Variants in TYR observed in about 807,000 individuals in gnomAD.
TYR encodes the protein tyrosinase.
A neutral mutation model predicts 51.5 loss-of-function variants in TYR; 58 were observed. The observed-to-expected ratio is 1.13, with a 90% CI of 0.91 to 1.40. The LOEUF is 1.40. Ranked by LOEUF, TYR falls within the 40% of genes most tolerant of loss-of-function variation. TYR has a pLI of 0.00. For synonymous variants in TYR, 263 were observed against 235.2 expected (o/e 1.12, Z -1.08); for missense variants, 732 against 647.4 (o/e 1.13, Z -1.42).
intron 2 of TYR, among the ~76,000 whole-genome samples, chr11:89,217,795 A>T (rs1221722918): frequency 6.6e-6 from 1 of 152,140 alleles, no homozygotes; most frequent in Non-Finnish European, 1.5e-5. Flanking sequence ...CTTTCTTACC[A>T]TTGCTTGCTG....
chr11:89,250,523 A>G (rs556242230), intron 3 of TYR, among the ~76,000 whole-genome samples: 1 of 152,032 alleles, frequency 6.6e-6, no homozygotes, highest in East Asian at 1.9e-4. Flanking sequence ...CCATAACAAA[A>G]TACCACAGAC....
At chr11:89,290,505 T>C (rs1235472725) in intron 4 of TYR, among the ~76,000 whole-genome samples, 1 of 152,084 alleles carries the variant, frequency 6.6e-6, no homozygotes, top group Non-Finnish European at 1.5e-5. Flanking sequence ...AAATGTACTA[T>C]GTATTGAAGC....
chr11:89,236,818 C>T (rs1213819848), intron 3 of TYR, among the ~76,000 whole-genome samples: 3 of 152,140 alleles, frequency 2.0e-5, no homozygotes, highest in Non-Finnish European at 4.4e-5. Flanking sequence ...CTTTTCTTGA[C>T]CTATCTAGTT....
intron 3 of TYR, among the ~76,000 whole-genome samples, chr11:89,259,922 G>A (rs1340528415): frequency 6.6e-6 from 1 of 151,960 alleles, no homozygotes; most frequent in Non-Finnish European, 1.5e-5. Context: ...GAGTTGATGG[G>A]CTTAAGAACC....
chr11:89,209,623 C>T lies in TYR; in HGVS notation c.1037-18200C>T, dbSNP rs187759951. Among the ~76,000 whole-genome samples the T allele has an allele frequency of 2.4e-4, 37 of 152,274 alleles. 1 individual carries two copies. The highest frequency in any genetic ancestry group is 4.0e-4 in the Non-Finnish European group (27 of 68,014). On this transcript the variant is annotated intron_variant, in intron 2 of 4. Transcript: ENST00000263321. ...GAGAGCAGTGGCTCTTGGAGCACAG[C>T]GTTCGAGCTCCGATAATGGACAGAC... is the stretch of plus-strand genomic sequence containing the variant.
At chr11:89,291,539 A>G (rs1017040040) in intron 4 of TYR, among the ~76,000 whole-genome samples, 1 of 151,848 alleles carries the variant, frequency 6.6e-6, no homozygotes, top group Non-Finnish European at 1.5e-5. Context: ...CTGTAATCTT[A>G]TTGTTAGATT....
chr11:89,198,580 A>C (rs1375615315), intron 2 of TYR, among the ~76,000 whole-genome samples: 1 of 152,118 alleles, frequency 6.6e-6, no homozygotes, highest in Non-Finnish European at 1.5e-5. Context: ...CCAGACATTA[A>C]TACTCCTCAC....
chr11:89,293,660 ATT>A (rs1232024839), intron 4 of TYR: 1 of 155,930 alleles, frequency 6.4e-6, no homozygotes, highest in African/African-American at 2.4e-5. Flanking sequence ...ATCAAAACTG[ATT>A]TTCATTAGAA....
intron 3 of TYR, among the ~76,000 whole-genome samples, chr11:89,237,464 T>C (rs1272196618): frequency 6.6e-6 from 1 of 152,150 alleles, no homozygotes; most frequent in Non-Finnish European, 1.5e-5. Context: ...AGCCTATCCA[T>C]TGTGTATTTG....
At position 89,191,078 on chromosome 11, in the gene TYR, C is replaced by T. The variant is rs77544080; in HGVS notation, c.820-124C>T. On this transcript the variant is annotated intron_variant, in intron 1 of 4. Coordinates refer to ENST00000263321, the MANE Select transcript of TYR (RefSeq NM_000372.5). Reference sequence around the variant, plus strand: ...GAACATATCCCTGTCATTAAAGACACATGATTGTAGTAATCTCCTCAGGAG... The same window carrying T: ...GAACATATCCCTGTCATTAAAGACATATGATTGTAGTAATCTCCTCAGGAG... 2.5e-3 allele frequency: 2,091 copies of T among 830,606 alleles called. 22 individuals are homozygous for T. The African/African-American group carries it at 0.032, about 13-fold the overall frequency. The allele number at this position is 830,606 out of a possible 1,614,324, so 51.5% of individuals were successfully genotyped here. A position where few individuals can be genotyped will look rare whatever the true frequency, so the allele number is the denominator to read the frequency against.
chr11:89,201,573 A>T (rs962543425), intron 2 of TYR, among the ~76,000 whole-genome samples: 1 of 152,236 alleles, frequency 6.6e-6, no homozygotes, highest in Admixed American at 6.5e-5. Context: ...ATTCATTTTT[A>T]CTGCAAGTCT....
chr11:89,197,645 G>A (rs988804678), intron 2 of TYR, among the ~76,000 whole-genome samples: 2 of 152,064 alleles, frequency 1.3e-5, no homozygotes, highest in Non-Finnish European at 2.9e-5. Flanking sequence ...GTGAGCTATT[G>A]GGGGGAGTCA....
At chr11:89,292,444 G>C (rs1300181479) in intron 4 of TYR, among the ~76,000 whole-genome samples, 2 of 152,038 alleles carry the variant, frequency 1.3e-5, no homozygotes, top group Non-Finnish European at 2.9e-5. Flanking sequence ...TAACATATTG[G>C]ATGCTGTCTC....
chr11:89,276,253 G>A (rs1944652872), intron 3 of TYR, among the ~76,000 whole-genome samples: 1 of 151,792 alleles, frequency 6.6e-6, no homozygotes, highest in Non-Finnish European at 1.5e-5. Context: ...TCTGAAATAA[G>A]GAGCATGTTT....
chr11:89,227,707 T>C, intron 2 of TYR, 116 bp from the exon 3 acceptor site: 1 of 906,718 alleles, frequency 1.1e-6, no homozygotes, highest in Non-Finnish European at 1.7e-6. Context: ...AATTTTATTT[T>C]TGATTTTATA....
chr11:89,234,599 A>T (rs1230011849), intron 3 of TYR, among the ~76,000 whole-genome samples: 1 of 142,776 alleles, frequency 7.0e-6, no homozygotes. Context: ...CTTAGAGGCC[A>T]TTTTAGGGTT....
intron 3 of TYR, among the ~76,000 whole-genome samples, chr11:89,233,829 A>T (rs1002110065): frequency 7.2e-6 from 1 of 139,116 alleles, no homozygotes; most frequent in Non-Finnish European, 1.5e-5. Flanking sequence ...TTGTTGTTTC[A>T]TTTAAACAAC....
At chr11:89,208,180 G>C (rs1200875441) in intron 2 of TYR, among the ~76,000 whole-genome samples, 2 of 152,240 alleles carry the variant, frequency 1.3e-5, no homozygotes, top group Non-Finnish European at 2.9e-5. Context: ...TGAGGCAGGA[G>C]AATGGTGTGA....
At chr11:89,280,705 AT>A (rs928586658) in intron 3 of TYR, among the ~76,000 whole-genome samples, 7 of 151,170 alleles carry the variant, frequency 4.6e-5, no homozygotes, top group African/African-American at 9.7e-5. Context: ...ATCTCTTCAG[AT>A]TTTTTTTCTT....
Sources: allele counts gnomAD v4.1 joint callset (sites outside exome capture counted in the v4.1 genomes callset), GRCh38; gene constraint gnomAD v4.1.1; transcripts MANE v1.5; gene names NCBI Gene and HGNC (gene_info 2026-07-23, HGNC 2026-07-21).